FAM210A: variants seen among roughly 807,000 people sequenced by gnomAD.
The protein encoded by FAM210A is family with sequence similarity 210 member A.
Under a neutral mutation model 25.3 loss-of-function variants are expected in FAM210A, and 13 were observed. That is an observed-to-expected ratio of 0.51 (90% CI 0.33 to 0.82). The LOEUF (loss-of-function observed/expected upper bound fraction) is 0.82. FAM210A is among the 40% of genes least tolerant of loss of function. The probability of loss-of-function intolerance (pLI) is 0.02; values close to 1 mark genes in which losing one functional copy is unlikely to be tolerated. For synonymous variants in FAM210A, 125 were observed against 118.7 expected, an observed-to-expected ratio of 1.05 and a Z score of -0.35; for missense variants, 319 against 323.2, an observed-to-expected ratio of 0.99 and a Z score of 0.10.
rs545425053 is a variant in FAM210A at position 13,671,782 on chromosome 18, C to T, written c.585+80G>A. On this transcript the variant is annotated intron_variant, in intron 3 of 3. Transcript: ENST00000651643. ...TCAAGTTACGAAATACAATTGGAAGCTAACATGGAATCTCATGGGAAAGTG... is the reference window on the plus strand; with the variant it reads ...TCAAGTTACGAAATACAATTGGAAGTTAACATGGAATCTCATGGGAAAGTG... 167 of 806,794 alleles carry T rather than the reference C, an allele frequency of 2.1e-4. 1 individual carries two copies. In the African/African-American group the frequency reaches 2.5e-3, roughly 12 times the overall value. The allele number at this position is 806,794 out of a possible 1,614,324, so 50.0% of individuals were successfully genotyped here.
rs558638941 is a variant in FAM210A at position 13,700,803 on chromosome 18, T to C, written c.-28-18698A>G. On this transcript the variant is annotated intron_variant, in intron 1 of 3. Transcript: ENST00000651643. ...AACCAAACTTAGGAGTATGCACCTG[T>C]ACAATAGCTGAGTCTTGACCAATTC... Among the ~76,000 whole-genome samples, 14 of 152,364 alleles carry C rather than the reference T, an allele frequency of 9.2e-5. No individual in the cohort carries two copies. In the East Asian group the frequency reaches 1.7e-3, roughly 19 times the overall value.
At chr18:13,669,803 T>C (rs2043427799) in intron 3 of FAM210A, among the ~76,000 whole-genome samples, 1 of 152,150 alleles carries the variant, frequency 6.6e-6, no homozygotes. Flanking sequence ...TCTGGGTGTA[T>C]TTCAAAGAGA....
chr18:13,693,049 A>T (rs2043661607), intron 1 of FAM210A, among the ~76,000 whole-genome samples: 1 of 152,222 alleles, frequency 6.6e-6, no homozygotes, highest in Non-Finnish European at 1.5e-5. Flanking sequence ...GACACAATAA[A>T]AAATGATAAA....
In FAM210A at chr18:13,681,896, G is replaced by A. The variant is rs748077437; in HGVS notation, c.182C>T (p.Ala61Val). The change falls in exon 2 of 4, where the codon GCC (alanine) becomes GTC (valine). Residue 61 changes from alanine to valine, a missense_variant. Transcript: ENST00000651643. ...PQKQWLHLSA[A>V]QCVAKERRPL... ...CCTCCTTTCCTTTGCAACACACTGG[G>A]CAGCAGATAAATGCAACCATTGTTT... 1 of 1,614,150 alleles carries A rather than the reference G, an allele frequency of 6.2e-7. No homozygotes were observed. Among genetic ancestry groups the A allele is most frequent in the Admixed American group, 1.7e-5 (1 of 60,020 alleles).
At chr18:13,675,780 C>G (rs1203287945) in intron 2 of FAM210A, among the ~76,000 whole-genome samples, 1 of 12,840 alleles carries the variant, frequency 7.8e-5, no homozygotes, top group Non-Finnish European at 1.9e-4. Context: ...TGATTATTAA[C>G]ATTCCTGAGC....
At chr18:13,673,076 C>T (rs2043456778) in intron 2 of FAM210A, among the ~76,000 whole-genome samples, 1 of 151,772 alleles carries the variant, frequency 6.6e-6, no homozygotes, top group Non-Finnish European at 1.5e-5. Flanking sequence ...TGAGCCCCGA[C>T]TTCTTTATTT....
At chr18:13,711,191 T>A (rs1169348619) in intron 1 of FAM210A, among the ~76,000 whole-genome samples, 1 of 151,746 alleles carries the variant, frequency 6.6e-6, no homozygotes, top group Non-Finnish European at 1.5e-5. Context: ...ACCAACATGA[T>A]GAAACCCTGT....
intron 1 of FAM210A, chr18:13,697,586 C>G (rs893703584): frequency 6.7e-6 from 1 of 149,084 alleles, no homozygotes; most frequent in Non-Finnish European, 1.5e-5. Flanking sequence ...TGGCACACAC[C>G]TGTAATCCCA....
At chr18:13,705,024 C>T (rs2043767074) in intron 1 of FAM210A, among the ~76,000 whole-genome samples, 1 of 152,132 alleles carries the variant, frequency 6.6e-6, no homozygotes, top group East Asian at 1.9e-4. Context: ...TTTCTAATAA[C>T]CTTAGAATCA....
chr18:13,685,396 G>C (rs188228210), intron 1 of FAM210A, among the ~76,000 whole-genome samples: 460 of 151,580 alleles, frequency 3.0e-3, no homozygotes, highest in Non-Finnish European at 5.0e-3. Context: ...GCGGTTAACT[G>C]AGAGTCTAGC....
At chr18:13,716,710 T>G (rs1230526670) in intron 1 of FAM210A, among the ~76,000 whole-genome samples, 2 of 152,034 alleles carry the variant, frequency 1.3e-5, no homozygotes, top group African/African-American at 4.8e-5. Flanking sequence ...GATCTGATGG[T>G]TTTAAAAATG....
chr18:13,699,932 G>C (rs538742457), intron 1 of FAM210A, among the ~76,000 whole-genome samples: 172 of 152,156 alleles, frequency 1.1e-3, no homozygotes, highest in Non-Finnish European at 1.7e-3. Context: ...CCTACACTAT[G>C]GGTAAAAAAA....
At position 13,682,010 on chromosome 18, in the gene FAM210A, G is replaced by A. The variant is rs769212391; in HGVS notation, c.68C>T (p.Ala23Val). Residue 23 changes from alanine to valine, a missense_variant, in exon 2 of 4, where the codon GCT (alanine) becomes GTT (valine). By Grantham distance (64) the Ala-to-Val change is moderately conservative. Transcript: ENST00000651643. ...ARRTCLEPHN[A>V]GLFGHCQNVK... The stretch of plus-strand genomic sequence containing the variant: ...ATTTTGACAGTGTCCAAAGAGACCA[G>A]CATTATGTGGTTCCAAGCATGTCCT... 1.2e-6 allele frequency: 2 copies of A among 1,614,044 alleles called. No individual in the cohort carries two copies. Among genetic ancestry groups the A allele is most frequent in the East Asian group, 2.2e-5 (1 of 44,880 alleles).
chr18:13,674,823 T>G (rs866079985), intron 2 of FAM210A, among the ~76,000 whole-genome samples: 226 of 140,132 alleles, frequency 1.6e-3, no homozygotes, highest in Middle Eastern at 3.9e-3. Flanking sequence ...TCCAGTTTCC[T>G]GATTATTAAC....
chr18:13,701,263 T>C (rs1203689989), intron 1 of FAM210A, among the ~76,000 whole-genome samples: 1 of 152,166 alleles, frequency 6.6e-6, no homozygotes, highest in East Asian at 1.9e-4. Flanking sequence ...TGTTTTGAGC[T>C]CTTGAGTTTC....
chr18:13,673,506 C>A (rs2043461769), intron 2 of FAM210A, among the ~76,000 whole-genome samples: 1 of 150,940 alleles, frequency 6.6e-6, no homozygotes, highest in African/African-American at 2.4e-5. Context: ...CATTCCTAAG[C>A]CCCGGCTTCT....
Position 13,691,338 on chromosome 18 carries a change from T to C in FAM210A, c.-28-9233A>G, listed in dbSNP as rs571838690. On this transcript the variant is annotated intron_variant, in intron 1 of 3. Transcript: ENST00000651643. Reference sequence around the variant, plus strand: ...CCAAGTGGGAAAACATTCTTCAGGATATTATCGAGGAGAACTTCCCCAGCC... The same window carrying C: ...CCAAGTGGGAAAACATTCTTCAGGACATTATCGAGGAGAACTTCCCCAGCC... Among the ~76,000 whole-genome samples the C allele has an allele frequency of 1.4e-4, 21 of 152,310 alleles. No individual in the cohort carries two copies. In the East Asian group the frequency reaches 4.0e-3, roughly 29 times the overall value.
intron 3 of FAM210A, 82 bp from the exon 4 acceptor site, chr18:13,666,795 C>G: frequency 7.9e-7 from 1 of 1,264,002 alleles, no homozygotes; most frequent in Non-Finnish European, 1.1e-6. Flanking sequence ...AATTAAAATT[C>G]TTGGTAATAA....
chr18:13,679,635 G>A (rs56197230), intron 2 of FAM210A, among the ~76,000 whole-genome samples: 10,143 of 152,182 alleles, frequency 0.067, 539 homozygotes, highest in African/African-American at 0.14. Flanking sequence ...TGGTCGTGGC[G>A]GGGCAGTAGT....
Sources: gnomAD v4.1 joint callset for allele counts (sites outside exome capture counted in the v4.1 genomes callset) on GRCh38, gnomAD v4.1.1 for gene constraint, MANE v1.5 for transcripts, NCBI Gene and HGNC (gene_info 2026-07-23, HGNC 2026-07-21) for gene names.